Variants in DCDC1 observed in about 807,000 individuals in gnomAD.
DCDC1 encodes the protein doublecortin domain containing 1.
DCDC1 carries 200 observed loss-of-function variants against 178.3 expected under a neutral mutation model. The ratio of observed to expected loss-of-function variants is 1.12; its 90% confidence interval spans 1.00 to 1.26. The LOEUF (loss-of-function observed/expected upper bound fraction) is 1.26, where lower values mean the gene tolerates loss of function less well. Among genes scored for constraint, DCDC1 ranks in the 50% most tolerant of loss-of-function variants. DCDC1 has a pLI of 0.00. For missense variants in DCDC1, 1,983 were observed against 1,749.2 expected (o/e 1.13, Z -2.38); for synonymous variants, 690 against 604.8 (o/e 1.14, Z -2.07).
rs147456149 is a variant in DCDC1, at chr11:31,168,575, G to C, written c.1222-30791C>G. Among the ~76,000 whole-genome samples the C allele has an allele frequency of 7.4e-4, 112 of 152,262 alleles. 1 individual carries two copies. The highest frequency in any genetic ancestry group is 2.4e-3 in the African/African-American group (100 of 41,554). On this transcript the variant is annotated intron_variant, in intron 9 of 38. Transcript: ENST00000684477. ...CAGTATAAAAAAATGGGGACAAGTC[G>C]GAGAAAATCCTTTGAGGAAGCAGTT...
chr11:31,126,496 T>C (rs1018475411), intron 11 of DCDC1, among the ~76,000 whole-genome samples: 3 of 152,156 alleles, frequency 2.0e-5, no homozygotes, highest in African/African-American at 7.2e-5. Context: ...GGAATGTCAT[T>C]AAAAGAAATG....
chr11:30,999,726 G>T (rs567903465), intron 20 of DCDC1, among the ~76,000 whole-genome samples: 121 of 152,070 alleles, frequency 8.0e-4, no homozygotes, highest in Non-Finnish European at 1.5e-3. Context: ...TAAAAAGGGT[G>T]GGGGGAGTGA....
At chr11:31,174,479 A>T (rs1298661750) in intron 9 of DCDC1, among the ~76,000 whole-genome samples, 1 of 152,176 alleles carries the variant, frequency 6.6e-6, no homozygotes, top group East Asian at 1.9e-4. Flanking sequence ...CCTCAGCATG[A>T]ACAGTATGGG....
chr11:31,280,925 A>G, intron 7 of DCDC1: 1 of 638,588 alleles, frequency 1.6e-6, no homozygotes, highest in Non-Finnish European at 3.0e-6. Flanking sequence ...TCCCTTTTCC[A>G]CGGTGTGGCA....
intron 28 of DCDC1, among the ~76,000 whole-genome samples, chr11:30,910,198 T>C (rs1945345881): frequency 6.6e-6 from 1 of 152,214 alleles, no homozygotes; most frequent in South Asian, 2.1e-4. Flanking sequence ...CAAAAAATTC[T>C]TGAAAGGTAA....
intron 24 of DCDC1, among the ~76,000 whole-genome samples, chr11:30,922,171 T>C (rs867057934): frequency 6.6e-6 from 1 of 152,214 alleles, no homozygotes; most frequent in African/African-American, 2.4e-5. Context: ...ATTCTGGAGA[T>C]AGAGAAATCT....
At chr11:31,267,974 A>G (rs1945283522) in intron 7 of DCDC1, among the ~76,000 whole-genome samples, 1 of 152,202 alleles carries the variant, frequency 6.6e-6, no homozygotes, top group African/African-American at 2.4e-5. Context: ...TACTCAAGGG[A>G]GATAATTCAG....
intron 9 of DCDC1, among the ~76,000 whole-genome samples, chr11:31,200,375 T>G (rs993496220): frequency 2.0e-5 from 3 of 152,176 alleles, no homozygotes; most frequent in African/African-American, 7.2e-5. Flanking sequence ...TTCACTGACA[T>G]TAATGTGTGA....
intron 1 of DCDC1, among the ~76,000 whole-genome samples, chr11:31,358,965 A>G (rs2133366821): frequency 6.6e-6 from 1 of 152,322 alleles, no homozygotes; most frequent in African/African-American, 2.4e-5. Flanking sequence ...GAGAAATAGG[A>G]ACACTATTAC....
chr11:31,224,868 A>G (rs1974723079), intron 9 of DCDC1, among the ~76,000 whole-genome samples: 2 of 152,216 alleles, frequency 1.3e-5, no homozygotes, highest in Non-Finnish European at 2.9e-5. Context: ...AATAGATGTT[A>G]GCATGGATGT....
chr11:31,231,739 C>T (rs774085074), intron 9 of DCDC1, among the ~76,000 whole-genome samples: 2 of 152,140 alleles, frequency 1.3e-5, no homozygotes, highest in Non-Finnish European at 2.9e-5. Flanking sequence ...AACATCTGAG[C>T]ATCTTTATTC....
chr11:31,116,330 T>G (rs1591101055), intron 11 of DCDC1, among the ~76,000 whole-genome samples: 1 of 152,224 alleles, frequency 6.6e-6, no homozygotes, highest in East Asian at 1.9e-4. Flanking sequence ...GTTGAGTTTT[T>G]ACCTAAATCA....
chr11:31,074,549 C>A (rs1370680864), intron 18 of DCDC1, among the ~76,000 whole-genome samples: 1 of 152,110 alleles, frequency 6.6e-6, no homozygotes, highest in Non-Finnish European at 1.5e-5. Flanking sequence ...GAGGATGTAG[C>A]AACAAGGCAG....
At chr11:31,134,356 C>T (rs1260412822) in intron 10 of DCDC1, among the ~76,000 whole-genome samples, 1 of 152,186 alleles carries the variant, frequency 6.6e-6, no homozygotes, top group Non-Finnish European at 1.5e-5. Context: ...CAGGTTAGCA[C>T]CAATGTCTGA....
intron 20 of DCDC1, among the ~76,000 whole-genome samples, chr11:31,035,611 A>C (rs1201471594): frequency 6.6e-6 from 1 of 152,178 alleles, no homozygotes; most frequent in Non-Finnish European, 1.5e-5. Context: ...ATGTTTTATC[A>C]CCAGTGATGT....
chr11:31,332,627 T>A (rs1180797435), intron 2 of DCDC1, among the ~76,000 whole-genome samples: 1 of 152,244 alleles, frequency 6.6e-6, no homozygotes, highest in Non-Finnish European at 1.5e-5. Context: ...TGCCTTCATT[T>A]CATTATTTAC....
chr11:31,113,262 A>G (rs1330935787), intron 11 of DCDC1, among the ~76,000 whole-genome samples: 2 of 152,124 alleles, frequency 1.3e-5, no homozygotes, highest in Non-Finnish European at 2.9e-5. Context: ...TCACCTCTTC[A>G]TATAGTAATT....
intron 20 of DCDC1, among the ~76,000 whole-genome samples, chr11:31,064,240 C>G (rs958720961): frequency 2.0e-5 from 3 of 152,088 alleles, no homozygotes; most frequent in Admixed American, 6.6e-5. Context: ...AATCCCAGGA[C>G]AGCAACCCAT....
intron 9 of DCDC1, among the ~76,000 whole-genome samples, chr11:31,162,832 G>C (rs1184536396): frequency 1.3e-5 from 2 of 152,110 alleles, no homozygotes; most frequent in Non-Finnish European, 2.9e-5. Flanking sequence ...CTTTATAAGA[G>C]AAGTAGATTT....
Sources: gnomAD v4.1 joint callset for allele counts (sites outside exome capture counted in the v4.1 genomes callset) on GRCh38, gnomAD v4.1.1 for gene constraint, MANE v1.5 for transcripts, NCBI Gene and HGNC (gene_info 2026-07-23, HGNC 2026-07-21) for gene names.